Variants in FANCC observed in about 807,000 individuals in gnomAD.
FANCC encodes the protein Fanconi anemia group C protein.
In FANCC, 55 loss-of-function variants were observed where a neutral mutation model predicts 71.3. That is an observed-to-expected ratio of 0.77 (90% CI 0.62 to 0.97). The LOEUF is 0.97. Among genes scored for constraint, FANCC ranks in the 50% least tolerant of loss-of-function variants. The pLI is 0.00. For missense variants in FANCC, 678 were observed against 670.9 expected (o/e 1.01, Z -0.12); for synonymous variants, 275 against 244.9 (o/e 1.12, Z -1.15).
intron 7 of FANCC, among the ~76,000 whole-genome samples, chr9:95,138,694 TTGTC>T (rs1444162282): frequency 6.6e-6 from 1 of 152,194 alleles, no homozygotes; most frequent in Non-Finnish European, 1.5e-5. Flanking sequence ...GGCACGGTGT[TTGTC>T]ATTCATCCTG....
chr9:95,291,334 T>TA (rs907579809), intron 1 of FANCC, among the ~76,000 whole-genome samples: 42 of 150,820 alleles, frequency 2.8e-4, no homozygotes, highest in African/African-American at 7.8e-4. Flanking sequence ...CAAATTCCAC[T>TA]AAAAAAAAAC....
chr9:95,183,285 G>A (rs529801127), intron 4 of FANCC, among the ~76,000 whole-genome samples: 59 of 152,240 alleles, frequency 3.9e-4, no homozygotes, highest in African/African-American at 1.4e-3. Flanking sequence ...ACCTTCCAAG[G>A]TCACCTTGCA....
intron 1 of FANCC, among the ~76,000 whole-genome samples, chr9:95,309,254 A>C (rs1226298783): frequency 6.6e-6 from 1 of 152,178 alleles, no homozygotes; most frequent in East Asian, 1.9e-4. Flanking sequence ...CAGAAACACA[A>C]GATACTCTTC....
intron 13 of FANCC, chr9:95,107,579 G>T (rs1220993079): frequency 2.1e-6 from 1 of 475,758 alleles, no homozygotes; most frequent in Non-Finnish European, 3.8e-6. Flanking sequence ...TTTATATTGT[G>T]GGAAAAAGAA....
At chr9:95,219,844 CA>C (rs1295345884) in intron 4 of FANCC, among the ~76,000 whole-genome samples, 1 of 152,126 alleles carries the variant, frequency 6.6e-6, no homozygotes, top group Non-Finnish European at 1.5e-5. Flanking sequence ...GCAATGGCAA[CA>C]AAAGCCAAAA....
intron 1 of FANCC, among the ~76,000 whole-genome samples, chr9:95,285,918 A>T (rs562196576): frequency 6.6e-6 from 1 of 152,362 alleles, no homozygotes; most frequent in Admixed American, 6.5e-5. Flanking sequence ...TACAATAGTA[A>T]AAAACTGCTA....
chr9:95,139,556 G>A (rs563113469), intron 7 of FANCC, among the ~76,000 whole-genome samples: 9 of 152,162 alleles, frequency 5.9e-5, no homozygotes, highest in Non-Finnish European at 1.0e-4. Context: ...CTCGTGCCAC[G>A]GAGTATGCCC....
At chr9:95,279,827 A>G (rs1833271163) in intron 1 of FANCC, among the ~76,000 whole-genome samples, 1 of 151,990 alleles carries the variant, frequency 6.6e-6, no homozygotes, top group Non-Finnish European at 1.5e-5. Context: ...AGGTGCCTGT[A>G]ATCCCAGCTA....
chr9:95,114,774 C>CT (rs1397086465), intron 11 of FANCC, 64 bp from the exon 12 acceptor site: 30 of 1,391,420 alleles, frequency 2.2e-5, no homozygotes, highest in Non-Finnish European at 2.9e-5. Flanking sequence ...GAGGAACCAC[C>CT]TGCAGGGATG....
chr9:95,115,752 C>T (rs1264698666), intron 11 of FANCC, among the ~76,000 whole-genome samples: 3 of 152,216 alleles, frequency 2.0e-5, no homozygotes, highest in African/African-American at 4.8e-5. Context: ...TCTGAACTCC[C>T]GCGGCCCTTG....
intron 1 of FANCC, among the ~76,000 whole-genome samples, chr9:95,272,393 T>C (rs1489244118): frequency 6.6e-6 from 1 of 152,132 alleles, no homozygotes; most frequent in Non-Finnish European, 1.5e-5. Context: ...ACATCTTAGG[T>C]TGGGATGGAA....
At chr9:95,227,190 C>T (rs1829673611) in intron 4 of FANCC, among the ~76,000 whole-genome samples, 1 of 152,138 alleles carries the variant, frequency 6.6e-6, no homozygotes, top group Non-Finnish European at 1.5e-5. Flanking sequence ...TTGGTCAGTT[C>T]GGGAGAGAAA....
intron 6 of FANCC, among the ~76,000 whole-genome samples, chr9:95,156,158 A>T (rs760917613): frequency 6.6e-6 from 1 of 152,158 alleles, no homozygotes; most frequent in Non-Finnish European, 1.5e-5. Flanking sequence ...TTCAAAAGTA[A>T]TATGAACAAA....
At chr9:95,199,389 T>G (rs957852836) in intron 4 of FANCC, among the ~76,000 whole-genome samples, 79 of 151,680 alleles carry the variant, frequency 5.2e-4, no homozygotes, top group African/African-American at 1.9e-3. Flanking sequence ...TCACCATGCC[T>G]CCTCCCAGTG....
intron 4 of FANCC, among the ~76,000 whole-genome samples, chr9:95,220,845 T>C (rs966853297): frequency 2.0e-5 from 3 of 152,062 alleles, no homozygotes; most frequent in African/African-American, 7.3e-5. Flanking sequence ...TGTGCACATG[T>C]ACCCTAGAAC....
chr9:95,124,545 C>T (rs919098401), intron 10 of FANCC, among the ~76,000 whole-genome samples: 2 of 152,296 alleles, frequency 1.3e-5, no homozygotes, highest in Admixed American at 6.5e-5. Flanking sequence ...CCGCTCACTG[C>T]CCTTCCTCAC....
intron 4 of FANCC, among the ~76,000 whole-genome samples, chr9:95,217,682 C>A (rs1828958966): frequency 1.3e-5 from 2 of 151,922 alleles, no homozygotes; most frequent in South Asian, 4.2e-4. Context: ...GGTCTCTGAG[C>A]AAGTATTTGT....
chr9:95,265,323 A>G (rs1832319961), intron 1 of FANCC, among the ~76,000 whole-genome samples: 1 of 152,198 alleles, frequency 6.6e-6, no homozygotes, highest in African/African-American at 2.4e-5. Context: ...AATCTAGCAG[A>G]TAACTCTGGG....
chr9:95,262,263 T>G (rs1467640120), intron 1 of FANCC, among the ~76,000 whole-genome samples: 5 of 152,088 alleles, frequency 3.3e-5, no homozygotes, highest in African/African-American at 7.2e-5. Context: ...ATGGAAAATG[T>G]ACCTTACAAG....
Sources: gnomAD v4.1 joint callset for allele counts (sites outside exome capture counted in the v4.1 genomes callset) on GRCh38, gnomAD v4.1.1 for gene constraint, MANE v1.5 for transcripts, NCBI Gene and HGNC (gene_info 2026-07-23, HGNC 2026-07-21) for gene names.